Variants in FTCDNL1 observed in about 807,000 individuals in gnomAD.
FTCDNL1 encodes the protein formiminotransferase N-terminal subdomain-containing protein.
FTCDNL1 carries 11 observed loss-of-function variants against 5.9 expected under a neutral mutation model. The ratio of observed to expected loss-of-function variants is 1.87; its 90% confidence interval spans 1.18 to 3.10. FTCDNL1 has a LOEUF of 3.10. Among genes scored for constraint, FTCDNL1 ranks in the 30% most tolerant of loss-of-function variants. The pLI, the probability that FTCDNL1 is intolerant of heterozygous loss-of-function variation, is 0.00. For missense variants in FTCDNL1, 115 were observed against 65.5 expected, an observed-to-expected ratio of 1.76 and a Z score of -2.61; for synonymous variants, 58 against 24.8, an observed-to-expected ratio of 2.34 and a Z score of -3.99.
At chr2:199,714,806 T>C in the FTCDNL1 span, among the ~76,000 whole-genome samples, 2 of 151,896 alleles carry the variant, frequency 1.3e-5, no homozygotes, top group African/African-American at 4.8e-5. Context: ...ACACAGACAC[T>C]GCAGTCCTGT....
intron 3 of FTCDNL1, among the ~76,000 whole-genome samples, chr2:199,778,619 A>T (rs1446613075): frequency 4.6e-5 from 7 of 152,184 alleles, no homozygotes; most frequent in Non-Finnish European, 7.3e-5. Context: ...CCAGCAAAGC[A>T]AGTTTAGAAT....
At chr2:199,735,246 G>A in the FTCDNL1 span, among the ~76,000 whole-genome samples, 9 of 152,108 alleles carry the variant, frequency 5.9e-5, no homozygotes, top group African/African-American at 2.2e-4. Context: ...CTCTAGGGTT[G>A]AAGAACATGG....
At chr2:199,727,755 T>C in the FTCDNL1 span, among the ~76,000 whole-genome samples, 1 of 152,118 alleles carries the variant, frequency 6.6e-6, no homozygotes, top group Non-Finnish European at 1.5e-5. Flanking sequence ...GAAACAGAAT[T>C]TGGCCTCAAT....
the FTCDNL1 span, among the ~76,000 whole-genome samples, chr2:199,723,521 TG>T: frequency 6.6e-6 from 1 of 152,188 alleles, no homozygotes; most frequent in African/African-American, 2.4e-5. Flanking sequence ...GCTGTGGGTT[TG>T]TCAAAAATGG....
the FTCDNL1 span, among the ~76,000 whole-genome samples, chr2:199,737,931 G>C: frequency 1.1e-4 from 17 of 152,184 alleles, 1 homozygote; most frequent in Admixed American, 9.2e-4. Flanking sequence ...TGAGACATAA[G>C]GTTCCCTGTT....
Position 199,841,274 on chromosome 2 carries a change from C to G in FTCDNL1, c.211+4801G>C, listed in dbSNP as rs1169027934. On this transcript the variant is annotated intron_variant, in intron 3 of 4. Coordinates refer to ENST00000420128, the MANE Select transcript of FTCDNL1 (RefSeq NM_001363886.2). Reference sequence around the variant, plus strand: ...CAGTGGCTCACACCTGTAATCCCAGCTACTGGGAAGGCTGAGACAGGAGAA... The same window carrying G: ...CAGTGGCTCACACCTGTAATCCCAGGTACTGGGAAGGCTGAGACAGGAGAA... Among the ~76,000 whole-genome samples the G allele has an allele frequency of 3.9e-5, 6 of 152,002 alleles. No individual in the cohort carries two copies. The East Asian group carries it at 1.2e-3, about 29-fold the overall frequency.
At chr2:199,732,957 A>G in the FTCDNL1 span, among the ~76,000 whole-genome samples, 1 of 152,162 alleles carries the variant, frequency 6.6e-6, no homozygotes, top group Non-Finnish European at 1.5e-5. Context: ...ATTTGTTCAC[A>G]ATTGAGTTGG....
intron 3 of FTCDNL1, among the ~76,000 whole-genome samples, chr2:199,769,217 A>G (rs1273553388): frequency 6.6e-6 from 1 of 152,130 alleles, no homozygotes; most frequent in African/African-American, 2.4e-5. Context: ...TCTACCAGAA[A>G]AAAATTGAAG....
At chr2:199,800,894 T>C (rs2106400608) in intron 3 of FTCDNL1, among the ~76,000 whole-genome samples, 1 of 152,362 alleles carries the variant, frequency 6.6e-6, no homozygotes, top group African/African-American at 2.4e-5. Flanking sequence ...GTCCTTATAA[T>C]TGTATATACT....
chr2:199,800,049 A>G (rs1040770868), intron 3 of FTCDNL1, among the ~76,000 whole-genome samples: 6 of 152,158 alleles, frequency 3.9e-5, no homozygotes, highest in South Asian at 2.1e-4. Flanking sequence ...TTATATAATA[A>G]TCACAGTATA....
the FTCDNL1 span, among the ~76,000 whole-genome samples, chr2:199,683,797 T>C: frequency 6.6e-6 from 1 of 152,198 alleles, no homozygotes; most frequent in East Asian, 1.9e-4. Flanking sequence ...CCTGTGGAAA[T>C]CCTAATCCTA....
intron 4 of FTCDNL1, among the ~76,000 whole-genome samples, chr2:199,816,684 G>A (rs531566948): frequency 1.2e-4 from 19 of 152,238 alleles, no homozygotes; most frequent in African/African-American, 4.3e-4. Flanking sequence ...CACGTGGCTA[G>A]TGGCCTCACT....
chr2:199,804,585 C>T (rs571437000), downstream of FTCDNL1, among the ~76,000 whole-genome samples: 20 of 152,010 alleles, frequency 1.3e-4, no homozygotes, highest in African/African-American at 2.2e-4. Flanking sequence ...AAAAATAGCA[C>T]GAATTCCAAA....
intron 3 of FTCDNL1, among the ~76,000 whole-genome samples, chr2:199,821,053 T>C (rs905842821): frequency 2.6e-5 from 4 of 152,176 alleles, no homozygotes; most frequent in African/African-American, 4.8e-5. Flanking sequence ...CAGGCTGCCA[T>C]GTTAATGGAG....
At chr2:199,798,538 A>T (rs534827219) in intron 3 of FTCDNL1, among the ~76,000 whole-genome samples, 5 of 152,208 alleles carry the variant, frequency 3.3e-5, no homozygotes, top group Non-Finnish European at 7.3e-5. Context: ...CATGAGGATG[A>T]GCTCAAGGCA....
intron 3 of FTCDNL1, among the ~76,000 whole-genome samples, chr2:199,762,566 TTAGA>T (rs1698321497): frequency 6.6e-6 from 1 of 152,154 alleles, no homozygotes; most frequent in Admixed American, 6.5e-5. Flanking sequence ...TCTCCAGAAC[TTAGA>T]TAGTGTTGGC....
intron 3 of FTCDNL1, among the ~76,000 whole-genome samples, chr2:199,826,146 C>A (rs1442283244): frequency 1.3e-5 from 2 of 152,184 alleles, no homozygotes; most frequent in Non-Finnish European, 2.9e-5. Flanking sequence ...TTCTGTAGCA[C>A]TGCCTAAGTT....
intron 3 of FTCDNL1, among the ~76,000 whole-genome samples, chr2:199,827,098 G>C (rs1559227558): frequency 6.6e-6 from 1 of 152,160 alleles, no homozygotes; most frequent in Non-Finnish European, 1.5e-5. Context: ...GCAGCCTCCT[G>C]GTGTGATGCA....
the FTCDNL1 span, among the ~76,000 whole-genome samples, chr2:199,754,561 T>C: frequency 6.6e-6 from 1 of 152,160 alleles, no homozygotes; most frequent in Non-Finnish European, 1.5e-5. Flanking sequence ...AGAACTTCCA[T>C]CTTATTTAAG....
Sources: allele counts gnomAD v4.1 joint callset (sites outside exome capture counted in the v4.1 genomes callset), GRCh38; gene constraint gnomAD v4.1.1; transcripts MANE v1.5; gene names NCBI Gene and HGNC (gene_info 2026-07-23, HGNC 2026-07-21).